Variants in IQSEC1 observed in about 807,000 individuals in gnomAD.
The protein encoded by IQSEC1 is IQ motif and SEC7 domain-containing protein 1.
IQSEC1 carries 31 observed loss-of-function variants against 91.0 expected under a neutral mutation model. That is an observed-to-expected ratio of 0.34 (90% CI 0.26 to 0.46). The LOEUF (loss-of-function observed/expected upper bound fraction) is 0.46, where lower values mean the gene tolerates loss of function less well. Among genes scored for constraint, IQSEC1 ranks in the 20% least tolerant of loss-of-function variants. The pLI, the probability that IQSEC1 is intolerant of heterozygous loss-of-function variation, is 1.00. For missense variants in IQSEC1, 1,388 were observed against 1,575.6 expected (o/e 0.88, Z 2.02); for synonymous variants, 699 against 662.6 (o/e 1.05, Z -0.84).
intron 1 of IQSEC1, among the ~76,000 whole-genome samples, chr3:13,227,375 CAAA>C (rs753199634): frequency 1.4e-4 from 10 of 70,058 alleles, no homozygotes; most frequent in Admixed American, 1.8e-4. Context: ...GACTCTGTCT[CAAA>C]AAAAAAAAAA....
chr3:13,097,082 A>G (rs1486398142), intron 2 of IQSEC1, among the ~76,000 whole-genome samples: 5 of 151,868 alleles, frequency 3.3e-5, no homozygotes, highest in East Asian at 1.9e-4. Context: ...GGATGGTCTC[A>G]ATCTCCTGAC....
In IQSEC1 at chr3:13,000,923, T is replaced by G. The variant is rs141083748; in HGVS notation, c.24-59058A>C. On this transcript the variant is annotated intron_variant, in intron 1 of 13. Coordinates refer to ENST00000613206, the MANE Select transcript of IQSEC1 (RefSeq NM_001134382.3). ...AGGTGAGAAAACAGAGGCTCAGGAATGGGGAGTGACTTACCCAAGTGAGTC... is the reference window on the plus strand; with the variant it reads ...AGGTGAGAAAACAGAGGCTCAGGAAGGGGGAGTGACTTACCCAAGTGAGTC... Among the ~76,000 whole-genome samples the G allele has an allele frequency of 1.1e-3, 169 of 149,712 alleles. 1 individual carries two copies. The highest frequency in any genetic ancestry group is 3.7e-3 in the African/African-American group (151 of 40,696).
At chr3:13,088,367 C>T (rs1285891928) in intron 2 of IQSEC1, among the ~76,000 whole-genome samples, 1 of 152,136 alleles carries the variant, frequency 6.6e-6, no homozygotes, top group Non-Finnish European at 1.5e-5. Context: ...CCAGATACCT[C>T]CACCACATCT....
At chr3:12,942,310 CTT>C (rs1698824486) in intron 1 of IQSEC1, among the ~76,000 whole-genome samples, 1 of 152,018 alleles carries the variant, frequency 6.6e-6, no homozygotes. Context: ...TGATTTTAAA[CTT>C]AAAAAAAAGG....
At chr3:13,233,666 GA>G (rs1175582665) in intron 1 of IQSEC1, among the ~76,000 whole-genome samples, 1 of 152,178 alleles carries the variant, frequency 6.6e-6, no homozygotes, top group Non-Finnish European at 1.5e-5. Flanking sequence ...GCCGGGTGGG[GA>G]TTCTCCCTGC....
In IQSEC1 at chr3:13,190,558, A is replaced by AAAAAACAAAC. The variant is rs753295350; in HGVS notation, c.273-26426_273-26425insGTTTGTTTTT. On this transcript the variant is annotated intron_variant, in intron 1 of 15. Coordinates refer to the IQSEC1 transcript ENST00000648114. ...GTGACAGAGCAAGACCCTGTCTCAA[A>AAAAAACAAAC]AAAAAAAAACAGATAAAGTGTGGCC... is the stretch of plus-strand genomic sequence containing the variant. 2.7e-3 allele frequency among the ~76,000 whole-genome samples: 406 copies of AAAAAACAAAC among 151,354 alleles called. 3 individuals carry two copies. Among genetic ancestry groups the AAAAAACAAAC allele is most frequent in the African/African-American group, 7.1e-3 (295 of 41,372 alleles).
chr3:12,902,643 CAAAAAAA>C, intron 13 of IQSEC1, 123 bp downstream of exon 13: 3 of 305,398 alleles, frequency 9.8e-6, no homozygotes, highest in South Asian at 6.2e-5. Context: ...AAGGAAAAGC[CAAAAAAA>C]AAAACAACAA....
At chr3:13,236,449 C>T (rs1694929924) in intron 1 of IQSEC1, among the ~76,000 whole-genome samples, 1 of 152,222 alleles carries the variant, frequency 6.6e-6, no homozygotes, top group Admixed American at 6.5e-5. Context: ...CTCTGCCCTG[C>T]TTTCGTTAGT....
At chr3:13,232,720 G>A (rs1488075731) in intron 1 of IQSEC1, among the ~76,000 whole-genome samples, 5 of 152,160 alleles carry the variant, frequency 3.3e-5, no homozygotes, top group Non-Finnish European at 7.3e-5. Flanking sequence ...ATATTATTAG[G>A]TAATAAATAA....
At chr3:12,928,965 T>C (rs572133099) in intron 3 of IQSEC1, among the ~76,000 whole-genome samples, 2 of 152,208 alleles carry the variant, frequency 1.3e-5, no homozygotes, top group South Asian at 4.1e-4. Flanking sequence ...CCTGGCTAGG[T>C]GCTATGCTAG....
chr3:13,213,484 T>C (rs1694483093), intron 1 of IQSEC1, among the ~76,000 whole-genome samples: 2 of 152,180 alleles, frequency 1.3e-5, no homozygotes, highest in Non-Finnish European at 2.9e-5. Flanking sequence ...TTCAGGACCA[T>C]TTTGGCTACC....
chr3:13,147,295 A>T (rs1024422726), intron 2 of IQSEC1, among the ~76,000 whole-genome samples: 12 of 151,890 alleles, frequency 7.9e-5, no homozygotes, highest in African/African-American at 2.7e-4. Context: ...CCTGATACAT[A>T]TTTTTTTTCC....
intron 2 of IQSEC1, among the ~76,000 whole-genome samples, chr3:13,123,986 G>T (rs370351857): frequency 3.2e-4 from 49 of 152,314 alleles, no homozygotes; most frequent in African/African-American, 1.0e-3. Context: ...TTCTGCATTG[G>T]GTATGACAGC....
chr3:13,088,130 T>G (rs1382321251), intron 2 of IQSEC1, among the ~76,000 whole-genome samples: 1 of 152,166 alleles, frequency 6.6e-6, no homozygotes, highest in East Asian at 1.9e-4. Context: ...CTGATCACTT[T>G]GTGTGTTTAC....
rs556269771 is a variant in IQSEC1 at position 12,899,792 on chromosome 3, T to A, written c.*1191A>T. The A allele has an allele frequency of 2.4e-5, 23 of 975,706 alleles. 1 individual carries two copies. The highest frequency in any genetic ancestry group is 2.3e-4 in the African/African-American group (13 of 57,138). 60.4% of individuals were successfully genotyped at this position (975,706 alleles called of 1,614,324 possible). ...CGAGAGTGGTTCCTGATGAAAACAC[T>A]CTCTGAGGGCTTCGGCCTGGTGTGG... is the stretch of plus-strand genomic sequence containing the variant. On this transcript the variant is annotated 3_prime_UTR_variant, in exon 14 of 14. Coordinates refer to ENST00000613206, the MANE Select transcript of IQSEC1 (RefSeq NM_001134382.3).
intron 3 of IQSEC1, among the ~76,000 whole-genome samples, chr3:12,932,121 A>G (rs1329832340): frequency 6.6e-6 from 1 of 152,176 alleles, no homozygotes; most frequent in African/African-American, 2.4e-5. Flanking sequence ...GGACATAGCC[A>G]GGCATGTACC....
chr3:13,233,781 G>A (rs553865693), intron 1 of IQSEC1, among the ~76,000 whole-genome samples: 7 of 152,294 alleles, frequency 4.6e-5, no homozygotes, highest in Middle Eastern at 3.4e-3. Context: ...GAAGAGTGAG[G>A]GCTCCCGGCA....
chr3:13,059,800 A>T (rs1396918209), intron 1 of IQSEC1, among the ~76,000 whole-genome samples: 1 of 152,110 alleles, frequency 6.6e-6, no homozygotes, highest in Non-Finnish European at 1.5e-5. Flanking sequence ...GAAACAACAG[A>T]CTTCAGGCTA....
chr3:13,271,675 A>T (rs1016070634), intron 1 of IQSEC1, among the ~76,000 whole-genome samples: 2 of 152,188 alleles, frequency 1.3e-5, no homozygotes, highest in African/African-American at 4.8e-5. Context: ...GCACACCTGT[A>T]GTCCCAGCTA....
Sources: allele counts gnomAD v4.1 joint callset (sites outside exome capture counted in the v4.1 genomes callset), GRCh38; gene constraint gnomAD v4.1.1; transcripts MANE v1.5; gene names NCBI Gene and HGNC (gene_info 2026-07-23, HGNC 2026-07-21).